The following SCFD2 variants were observed in gnomAD, a reference collection of about 807,000 sequenced individuals.
The protein encoded by SCFD2 is sec1 family domain-containing protein 2.
In SCFD2, 54 loss-of-function variants were observed where a neutral mutation model predicts 58.9. That is an observed-to-expected ratio of 0.92 (90% CI 0.74 to 1.15). The LOEUF is 1.15. Ranked by LOEUF, SCFD2 falls within the 50% of genes most tolerant of loss-of-function variation. The pLI is 0.00. For missense variants in SCFD2, 805 were observed against 836.6 expected, an observed-to-expected ratio of 0.96 and a Z score of 0.47; for synonymous variants, 321 against 335.9, an observed-to-expected ratio of 0.96 and a Z score of 0.49.
At chr4:53,314,175 TA>T (rs1378806775) in intron 2 of SCFD2, among the ~76,000 whole-genome samples, 1 of 152,222 alleles carries the variant, frequency 6.6e-6, no homozygotes, top group Non-Finnish European at 1.5e-5. Context: ...AATTCGAGAT[TA>T]AATACTTGTC....
chr4:53,342,438 GA>G (rs1188766715), intron 2 of SCFD2, among the ~76,000 whole-genome samples: 1 of 152,084 alleles, frequency 6.6e-6, no homozygotes, highest in Admixed American at 6.6e-5. Flanking sequence ...CCCAATACAG[GA>G]GCACCCAGAT....
intron 5 of SCFD2, among the ~76,000 whole-genome samples, chr4:53,120,010 T>C (rs1356283096): frequency 1.3e-5 from 2 of 152,210 alleles, no homozygotes; most frequent in Admixed American, 6.5e-5. Flanking sequence ...CTTCTATGCA[T>C]ACCTGAAGGG....
chr4:52,987,941 T>C (rs1420485390), intron 5 of SCFD2, among the ~76,000 whole-genome samples: 1 of 152,158 alleles, frequency 6.6e-6, no homozygotes, highest in Non-Finnish European at 1.5e-5. Context: ...TCTCAGAAGA[T>C]CCTACCAAAG....
chr4:53,328,679 T>G (rs1733301521), intron 2 of SCFD2, among the ~76,000 whole-genome samples: 1 of 152,170 alleles, frequency 6.6e-6, no homozygotes, highest in African/African-American at 2.4e-5. Flanking sequence ...ATGATAGAAT[T>G]GGAAAAATCA....
chr4:53,187,903 A>G (rs2148954952), intron 4 of SCFD2, among the ~76,000 whole-genome samples: 1 of 152,300 alleles, frequency 6.6e-6, no homozygotes, highest in African/African-American at 2.4e-5. Context: ...CCAAAAGGAA[A>G]AATTAAACAT....
At chr4:53,206,319 A>G (rs1021866713) in intron 4 of SCFD2, among the ~76,000 whole-genome samples, 1 of 152,160 alleles carries the variant, frequency 6.6e-6, no homozygotes, top group African/African-American at 2.4e-5. Flanking sequence ...TAAAAAATAA[A>G]TAACTAAAAG....
chr4:53,023,561 T>G (rs1722400808), intron 5 of SCFD2, among the ~76,000 whole-genome samples: 3 of 152,136 alleles, frequency 2.0e-5, no homozygotes. Context: ...TCACTTTTCT[T>G]TGGCTGCTAG....
chr4:53,279,086 A>G (rs756079962), intron 3 of SCFD2, among the ~76,000 whole-genome samples: 1 of 152,210 alleles, frequency 6.6e-6, no homozygotes, highest in Non-Finnish European at 1.5e-5. Context: ...CAGAATATTT[A>G]TTCATACTTC....
At chr4:53,234,806 G>C (rs1341877102) in intron 4 of SCFD2, among the ~76,000 whole-genome samples, 1 of 152,100 alleles carries the variant, frequency 6.6e-6, no homozygotes, top group Non-Finnish European at 1.5e-5. Flanking sequence ...GATGAATATT[G>C]CAACAAAAGG....
intron 2 of SCFD2, among the ~76,000 whole-genome samples, chr4:53,328,027 C>A (rs928477600): frequency 2.0e-5 from 3 of 151,460 alleles, no homozygotes; most frequent in Admixed American, 6.6e-5. Context: ...CCCAGCTACT[C>A]GGGAGGCTGA....
rs75572429 is a variant in SCFD2, at chr4:53,240,700, C to T, written c.1311+33126G>A. On this transcript the variant is annotated intron_variant, in intron 4 of 8. Transcript: ENST00000401642. ...AAACAAAACAAAAACCTCTTTGCAGCTCTGGTTCTGAACAAGTTAAGAAAT... is the reference window on the plus strand; with the variant it reads ...AAACAAAACAAAAACCTCTTTGCAGTTCTGGTTCTGAACAAGTTAAGAAAT... Among the ~76,000 whole-genome samples the T allele has an allele frequency of 6.1e-3, 934 of 152,336 alleles. 11 individuals carry two copies. The highest frequency in any genetic ancestry group is 0.021 in the African/African-American group (866 of 41,566).
intron 5 of SCFD2, among the ~76,000 whole-genome samples, chr4:53,065,443 C>G (rs1414110364): frequency 6.6e-6 from 1 of 151,970 alleles, no homozygotes; most frequent in Admixed American, 6.6e-5. Flanking sequence ...TAGGAGAAAG[C>G]AAGGAAAATC....
At chr4:52,939,611 A>C (rs1720237805) in intron 5 of SCFD2, among the ~76,000 whole-genome samples, 3 of 152,172 alleles carry the variant, frequency 2.0e-5, no homozygotes, top group Non-Finnish European at 2.9e-5. Context: ...TGAGCTGACA[A>C]TCTAGTGTGG....
rs574129191 is a variant in SCFD2 at position 52,889,886 on chromosome 4, A to C, written c.1843-4020T>G. Among the ~76,000 whole-genome samples the C allele has an allele frequency of 2.6e-5, 4 of 152,356 alleles. No individual in the cohort carries two copies. The East Asian group carries it at 7.7e-4, about 29-fold the overall frequency. On this transcript the variant is annotated intron_variant, in intron 7 of 8. Transcript: ENST00000401642. ...GGGGATTTTCCATATCAGTAAGAAAAGCCTGTAACCTATGGACATGGTGTG... is the reference window on the plus strand; with the variant it reads ...GGGGATTTTCCATATCAGTAAGAAACGCCTGTAACCTATGGACATGGTGTG...
At chr4:52,901,465 G>C (rs2109465075) in intron 7 of SCFD2, among the ~76,000 whole-genome samples, 1 of 152,336 alleles carries the variant, frequency 6.6e-6, no homozygotes, top group South Asian at 2.1e-4. Flanking sequence ...CTCCTAGGAT[G>C]CTGGCCCTTG....
chr4:53,055,636 C>T lies in SCFD2; in HGVS notation c.1561+89697G>A, dbSNP rs141808788. ...GGGAACAGCTACCAATGACTACATG[C>T]CAAAAATAAAAATAAAAAGGAGAGA... is the stretch of plus-strand genomic sequence containing the variant. On this transcript the variant is annotated intron_variant, in intron 5 of 8. Transcript: ENST00000401642. Among the ~76,000 whole-genome samples the T allele has an allele frequency of 7.6e-4, 116 of 151,962 alleles. 1 individual carries two copies. Among genetic ancestry groups the T allele is most frequent in the African/African-American group, 2.5e-3 (105 of 41,444 alleles).
intron 3 of SCFD2, among the ~76,000 whole-genome samples, chr4:53,280,516 G>GA (rs763863863): frequency 1.6e-3 from 217 of 139,382 alleles, no homozygotes; most frequent in Middle Eastern, 0.015. Flanking sequence ...ACTCTGTCTG[G>GA]AAAAAAAAAA....
intron 4 of SCFD2, among the ~76,000 whole-genome samples, chr4:53,179,402 C>G (rs184889467): frequency 6.6e-6 from 1 of 152,180 alleles, no homozygotes; most frequent in African/African-American, 2.4e-5. Context: ...GCCAAACTAA[C>G]CTTCATTAAG....
intron 6 of SCFD2, among the ~76,000 whole-genome samples, chr4:52,909,900 GC>G (rs1719442309): frequency 6.6e-6 from 1 of 152,136 alleles, no homozygotes; most frequent in African/African-American, 2.4e-5. Context: ...TGCAAATCCT[GC>G]AAATACTCTT....
Sources: allele counts gnomAD v4.1 joint callset (sites outside exome capture counted in the v4.1 genomes callset), GRCh38; gene constraint gnomAD v4.1.1; transcripts MANE v1.5; gene names NCBI Gene and HGNC (gene_info 2026-07-23, HGNC 2026-07-21).